The following UNC79 variants were observed in gnomAD, a reference collection of about 807,000 sequenced individuals.
The protein encoded by UNC79 is unc-79 subunit of NALCN channel complex, also known as protein unc-79 homolog.
UNC79 carries 37 observed loss-of-function variants against 283.1 expected under a neutral mutation model. That is an observed-to-expected ratio of 0.13 (90% CI 0.10 to 0.17). The LOEUF (loss-of-function observed/expected upper bound fraction) is 0.17. Ranked by LOEUF, UNC79 falls within the 10% of genes least tolerant of loss-of-function variation. The probability of loss-of-function intolerance (pLI) is 1.00; values close to 1 mark genes in which losing one functional copy is unlikely to be tolerated. For missense variants in UNC79, 2,272 were observed against 3,211.1 expected, an observed-to-expected ratio of 0.71 and a Z score of 7.07; for synonymous variants, 1,107 against 1,200.2, an observed-to-expected ratio of 0.92 and a Z score of 1.61.
At chr14:93,494,943 G>A (rs966420594) in intron 5 of UNC79, among the ~76,000 whole-genome samples, 2 of 152,090 alleles carry the variant, frequency 1.3e-5, no homozygotes, top group Non-Finnish European at 2.9e-5. Context: ...TTATAACCTC[G>A]TATAACTACA....
intron 17 of UNC79, among the ~76,000 whole-genome samples, chr14:93,575,829 A>T (rs2063447107): frequency 1.3e-5 from 2 of 152,000 alleles, no homozygotes; most frequent in Non-Finnish European, 2.9e-5. Context: ...CTCTTATTGG[A>T]TGGTTGGCAG....
intron 1 of UNC79, among the ~76,000 whole-genome samples, chr14:93,386,066 G>A (rs1249640416): frequency 6.6e-6 from 1 of 152,078 alleles, no homozygotes; most frequent in Non-Finnish European, 1.5e-5. Context: ...TAGGGGAAAG[G>A]CTTTCAGTTT....
intron 31 of UNC79, among the ~76,000 whole-genome samples, chr14:93,632,964 A>T (rs2068161832): frequency 6.6e-6 from 1 of 152,086 alleles, no homozygotes; most frequent in African/African-American, 2.4e-5. Flanking sequence ...GGTACCTTAT[A>T]CACTGAGCTA....
chr14:93,698,413 C>A (rs972223193), intron 47 of UNC79, among the ~76,000 whole-genome samples: 2 of 148,682 alleles, frequency 1.3e-5, no homozygotes, highest in African/African-American at 2.5e-5. Context: ...CTATATTTTC[C>A]TAATGAATTG....
chr14:93,542,956 A>ATTTT (rs34093801), intron 14 of UNC79, among the ~76,000 whole-genome samples: 2 of 145,344 alleles, frequency 1.4e-5, no homozygotes, highest in African/African-American at 5.1e-5. Context: ...GACATTGCTG[A>ATTTT]TTTTTTTTTT....
intron 25 of UNC79, 91 bp downstream of exon 25, chr14:93,600,861 C>T: frequency 7.0e-7 from 1 of 1,426,470 alleles, no homozygotes; most frequent in Non-Finnish European, 9.6e-7. Flanking sequence ...CGTTTAATTC[C>T]TCTACAGAGG....
At chr14:93,388,222 C>T (rs2054816984) in intron 1 of UNC79, among the ~76,000 whole-genome samples, 1 of 152,002 alleles carries the variant, frequency 6.6e-6, no homozygotes, top group Non-Finnish European at 1.5e-5. Context: ...AGCGATCCTT[C>T]TGGCTAAGCC....
At chr14:93,394,382 T>TTTTA (rs1324917566) in intron 1 of UNC79, among the ~76,000 whole-genome samples, 1 of 147,452 alleles carries the variant, frequency 6.8e-6, no homozygotes, top group African/African-American at 2.5e-5. Context: ...TTTTATTTTA[T>TTTTA]TTTATTTTAT....
At chr14:93,502,449 A>G (rs2059342580) in intron 7 of UNC79, among the ~76,000 whole-genome samples, 1 of 152,172 alleles carries the variant, frequency 6.6e-6, no homozygotes, top group Admixed American at 6.5e-5. Flanking sequence ...TCATATTTTT[A>G]TGGGACTCCC....
At chr14:93,529,347 G>T in intron 10 of UNC79, 21 bp downstream of exon 10, 1 of 1,613,030 alleles carries the variant, frequency 6.2e-7, no homozygotes, top group Non-Finnish European at 8.5e-7. Context: ...CTTAGGAAAG[G>T]ATGAATAATG....
chr14:93,694,451 T>G, intron 47 of UNC79, 39 bp downstream of exon 50: 2 of 1,549,218 alleles, frequency 1.3e-6, no homozygotes, highest in Non-Finnish European at 1.8e-6. Context: ...CATTTCTTAC[T>G]GCTAAAAACA....
intron 1 of UNC79, among the ~76,000 whole-genome samples, chr14:93,359,793 C>A (rs1371879049): frequency 6.6e-6 from 1 of 152,176 alleles, no homozygotes; most frequent in Non-Finnish European, 1.5e-5. Context: ...GACCCAGAAC[C>A]CCTTGAATGA....
At chr14:93,694,092 C>T (rs994516249) in intron 46 of UNC79, among the ~76,000 whole-genome samples, 5 of 152,126 alleles carry the variant, frequency 3.3e-5, no homozygotes, top group African/African-American at 1.2e-4. Context: ...GCCTGAATTC[C>T]ATTGGCAGCC....
chr14:93,463,534 G>A (rs1449891012), intron 1 of UNC79, among the ~76,000 whole-genome samples: 3 of 152,148 alleles, frequency 2.0e-5, no homozygotes, highest in Non-Finnish European at 4.4e-5. Flanking sequence ...CAAAGGAGGA[G>A]AGATTAATTT....
In UNC79 at chr14:93,634,646, A is replaced by G; in HGVS notation, c.5717-2570A>G. 1 of 1,609,716 alleles carries G rather than the reference A, an allele frequency of 6.2e-7. No individual in the cohort carries two copies. On this transcript the variant is annotated intron_variant, in intron 31 of 48. Transcript: ENST00000555664. Reference sequence around the variant, plus strand: ...CAGCAACTGGGACACTGGTGGGTCAAGCTTTTTCTTCTCATTCTACCTCTC... The same window carrying G: ...CAGCAACTGGGACACTGGTGGGTCAGGCTTTTTCTTCTCATTCTACCTCTC...
At chr14:93,396,797 G>GTGTGTGTGTT (rs1555403668) in intron 1 of UNC79, among the ~76,000 whole-genome samples, 4 of 151,948 alleles carry the variant, frequency 2.6e-5, no homozygotes, top group African/African-American at 9.7e-5. Context: ...GTGTGTGTGT[G>GTGTGTGTGTT]TGTGTGTGTG....
intron 1 of UNC79, among the ~76,000 whole-genome samples, chr14:93,448,279 C>G (rs1242609253): frequency 6.6e-6 from 1 of 150,636 alleles, no homozygotes; most frequent in East Asian, 2.0e-4. Flanking sequence ...ATGACCATTT[C>G]TAACGGCTGT....
chr14:93,611,861 A>G (rs1596066844), intron 26 of UNC79, among the ~76,000 whole-genome samples: 1 of 152,162 alleles, frequency 6.6e-6, no homozygotes, highest in Non-Finnish European at 1.5e-5. Flanking sequence ...AAAAAGGACA[A>G]GAGTATTTTG....
intron 40 of UNC79, among the ~76,000 whole-genome samples, chr14:93,671,798 C>T (rs2072889819): frequency 6.6e-6 from 1 of 151,920 alleles, no homozygotes; most frequent in African/African-American, 2.4e-5. Context: ...ACAACAACAA[C>T]AACAAAAATG....
Sources: gnomAD v4.1 joint callset for allele counts (sites outside exome capture counted in the v4.1 genomes callset) on GRCh38, gnomAD v4.1.1 for gene constraint, MANE v1.5 for transcripts, NCBI Gene and HGNC (gene_info 2026-07-23, HGNC 2026-07-21) for gene names.